The following NOTCH2 variants were observed in gnomAD, a reference collection of about 807,000 sequenced individuals.
NOTCH2 encodes notch receptor 2.
In NOTCH2, 29 loss-of-function variants were observed where a neutral mutation model predicts 235.8. The observed-to-expected ratio is 0.12, with a 90% confidence interval of 0.09 to 0.17. The LOEUF (loss-of-function observed/expected upper bound fraction) is 0.17, where lower values mean the gene tolerates loss of function less well. Ranked by LOEUF, NOTCH2 falls within the 10% of genes least tolerant of loss-of-function variation. The pLI is 1.00. For synonymous variants in NOTCH2, 1,086 were observed against 1,141.5 expected (o/e 0.95, Z 0.98); for missense variants, 2,285 against 3,150.2 (o/e 0.73, Z 6.57).
At chr1:120,003,055 G>A (rs1459486404) in intron 3 of NOTCH2, among the ~76,000 whole-genome samples, 1 of 151,550 alleles carries the variant, frequency 6.6e-6, no homozygotes, top group Non-Finnish European at 1.5e-5. Flanking sequence ...TGTTGCCAAA[G>A]GAGATTAACA....
At chr1:119,920,149 A>G (rs1417270618) in intron 30 of NOTCH2, 80 bp downstream of exon 30, 5 of 1,533,670 alleles carry the variant, frequency 3.3e-6, no homozygotes, top group Non-Finnish European at 3.6e-6. Flanking sequence ...TTATGACTGG[A>G]CAGGGCAAAC....
In NOTCH2 at chr1:119,966,907, G is replaced by A. The variant is rs371322983; in HGVS notation, c.1454-418C>T. ...AGTGCCTTTCAAGGCTGGAGTGGCC[G>A]GCAGCCTTAATCAGGCAGAGCAGCC... On this transcript the variant is annotated intron_variant, in intron 8 of 33. Transcript: ENST00000256646. 2.6e-5 allele frequency among the ~76,000 whole-genome samples: 4 copies of A among 152,268 alleles called. No homozygotes were observed. The East Asian group carries it at 5.8e-4, about 22-fold the overall frequency.
intron 5 of NOTCH2, among the ~76,000 whole-genome samples, chr1:119,976,102 A>C (rs2244107): frequency 2.6e-5 from 4 of 152,224 alleles, no homozygotes; most frequent in Admixed American, 1.3e-4. Context: ...AAGAGGAACA[A>C]ATAAAAAATG....
At chr1:119,969,804 C>A (rs764380666) in intron 5 of NOTCH2, 60 bp from the exon 6 acceptor site, 4 of 1,397,718 alleles carry the variant, frequency 2.9e-6, no homozygotes, top group African/African-American at 1.4e-5. Flanking sequence ...TAGTACCATA[C>A]CAGCCCCCCA....
chr1:119,922,167 A>G (rs1333255067), intron 28 of NOTCH2, 69 bp downstream of exon 28: 1 of 1,499,544 alleles, frequency 6.7e-7, no homozygotes, highest in African/African-American at 1.4e-5. Flanking sequence ...ATCATGATTC[A>G]ACAAGATATG....
In NOTCH2 at chr1:119,940,838, G is replaced by A; in HGVS notation, c.2982-82C>T. 2 of 1,273,094 alleles carry A rather than the reference G, an allele frequency of 1.6e-6. 1 individual carries two copies. 78.9% of individuals were successfully genotyped at this position (1,273,094 alleles called of 1,614,324 possible). A position where few individuals can be genotyped will look rare whatever the true frequency, so the allele number is the denominator to read the frequency against. On this transcript the variant is annotated intron_variant, in intron 18 of 33. Transcript: ENST00000256646. ...ACAAAGTAAGATTTCTGGAATCTAA[G>A]ATCATACAGAGGCAAATACCTCTGA...
intron 14 of NOTCH2, 22 bp from the exon 15 acceptor site, chr1:119,950,859 C>A (rs1553197722): frequency 9.4e-6 from 14 of 1,483,042 alleles, no homozygotes; most frequent in Non-Finnish European, 1.2e-5. Flanking sequence ...AGGAAAAAAC[C>A]AAAAACAGTA....
chr1:119,980,267 T>C (rs1651763576), intron 5 of NOTCH2, among the ~76,000 whole-genome samples: 1 of 152,226 alleles, frequency 6.6e-6, no homozygotes, highest in Admixed American at 6.5e-5. Context: ...ATCTTCTTCC[T>C]TTCCCATTCC....
At chr1:119,946,622 A>G (rs1379609379) in intron 17 of NOTCH2, among the ~76,000 whole-genome samples, 2 of 152,084 alleles carry the variant, frequency 1.3e-5, no homozygotes, top group East Asian at 3.8e-4. Context: ...ACATTCATTC[A>G]TTATAAAAAT....
intron 16 of NOTCH2, 142 bp downstream of exon 16, chr1:119,948,865 C>A: frequency 8.6e-7 from 1 of 1,168,652 alleles, no homozygotes; most frequent in South Asian, 1.2e-5. Context: ...CAAGTAGCAG[C>A]TCCTTTGCAA....
Position 119,912,200 on chromosome 1 carries a change from T to C in NOTCH2, c.*3106A>G. On this transcript the variant is annotated 3_prime_UTR_variant, in exon 34 of 34. Coordinates refer to ENST00000256646, the MANE Select transcript of NOTCH2 (RefSeq NM_024408.4). The stretch of plus-strand genomic sequence containing the variant: ...AGTCAGGAATATGCGGTCATTTTAT[T>C]GGTTACTGGGTTTCTCATACAAACA... 1 of 233,456 alleles carries C rather than the reference T, an allele frequency of 4.3e-6. No individual in the cohort carries two copies. The allele number at this position is 233,456 out of a possible 1,614,324, so 14.5% of individuals were successfully genotyped here. A position where few individuals can be genotyped will look rare whatever the true frequency, so the allele number is the denominator to read the frequency against.
Position 119,926,619 on chromosome 1 carries a change from A to G in NOTCH2, c.3893-8T>C. On this transcript the variant is annotated splice_region_variant and splice_polypyrimidine_tract_variant and intron_variant, in intron 23 of 33. Transcript: ENST00000256646. ...AGGTTTCACAGTGCCGGCCTCAGAA[A>G]ATAAAAAATAAAAAAGGTTTTAAAA... The G allele has an allele frequency of 6.3e-7, 1 of 1,582,944 alleles. No individual in the cohort carries two copies.
intron 5 of NOTCH2, among the ~76,000 whole-genome samples, chr1:119,985,259 A>C (rs1651969633): frequency 6.6e-6 from 1 of 152,154 alleles, no homozygotes; most frequent in Non-Finnish European, 1.5e-5. Flanking sequence ...CAAAAAAAAA[A>C]CTGAAGGTCA....
intron 1 of NOTCH2, among the ~76,000 whole-genome samples, chr1:120,048,537 C>T (rs1400451583): frequency 7.5e-6 from 1 of 134,226 alleles, no homozygotes; most frequent in Non-Finnish European, 1.6e-5. Flanking sequence ...CAGCCTCAAC[C>T]TCTGGGGCTC....
intron 1 of NOTCH2, among the ~76,000 whole-genome samples, chr1:120,053,520 C>T (rs1655041198): frequency 1.3e-5 from 1 of 77,104 alleles, no homozygotes; most frequent in African/African-American, 8.2e-5. Flanking sequence ...GAATCAATTG[C>T]TTCTGAGATG....
chr1:119,960,841 T>A (rs587628970), intron 11 of NOTCH2, among the ~76,000 whole-genome samples: 1 of 152,246 alleles, frequency 6.6e-6, no homozygotes, highest in East Asian at 1.9e-4. Context: ...TTTTTATTTA[T>A]TTTTTGTAGG....
Position 119,969,602 on chromosome 1 carries a change from A to G in NOTCH2, c.1017T>C (p.Ile339=), listed in dbSNP as rs1553200135. Residue 339 remains isoleucine, a synonymous_variant, in exon 6 of 34, where the codon ATT becomes ATC. Coordinates refer to ENST00000256646, the MANE Select transcript of NOTCH2 (RefSeq NM_024408.4). ...TACAGGAGGCGAAGGCACAATCATC[A>G]ATGTTCTCACTGCAGTCATCTCCAC... The part of the protein sequence containing the change: ...GWSGDDCSEN[I]DDCAFASCTP... 1 of 1,613,990 alleles carries G rather than the reference A, an allele frequency of 6.2e-7. No individual in the cohort carries two copies. Among genetic ancestry groups the G allele is most frequent in the Non-Finnish European group, 8.5e-7 (1 of 1,179,960 alleles).
intron 24 of NOTCH2, among the ~76,000 whole-genome samples, chr1:119,926,278 T>C (rs587735580): frequency 1.3e-5 from 2 of 152,374 alleles, no homozygotes; most frequent in Admixed American, 1.3e-4. Context: ...GGAAGCTCAC[T>C]GTTTCTGGGA....
chr1:119,966,405 A>G lies in NOTCH2; in HGVS notation c.1538T>C (p.Val513Ala). ...AGGACACAGGCACTGGAAACGATTG[A>G]CTTTATCCACACACTGCCCATTGTT... ...CVNNGQCVDK[V>A]NRFQCLCPPG... The change falls in exon 9 of 34, where the codon GTC becomes GCC. Residue 513 changes from valine to alanine, a missense_variant. Physicochemically the swap from Val to Ala is moderately conservative, Grantham distance 64. Transcript: ENST00000256646. 1 of 1,613,974 alleles carries G rather than the reference A, an allele frequency of 6.2e-7. No individual in the cohort carries two copies. The highest frequency in any genetic ancestry group is 8.5e-7 in the Non-Finnish European group (1 of 1,179,870).
Sources: allele counts gnomAD v4.1 joint callset (sites outside exome capture counted in the v4.1 genomes callset), GRCh38; gene constraint gnomAD v4.1.1; transcripts MANE v1.5; gene names NCBI Gene and HGNC (gene_info 2026-07-23, HGNC 2026-07-21).